Variants in SHQ1 observed in about 807,000 individuals in gnomAD.
SHQ1 encodes the protein SHQ1, H/ACA ribonucleoprotein assembly factor.
Under a neutral mutation model 53.8 loss-of-function variants are expected in SHQ1, and 49 were observed. The observed-to-expected ratio is 0.91, with a 90% CI of 0.72 to 1.16. The LOEUF (loss-of-function observed/expected upper bound fraction) is 1.16, where lower values mean the gene tolerates loss of function less well. Ranked by LOEUF, SHQ1 falls within the 50% of genes most tolerant of loss-of-function variation. The probability of loss-of-function intolerance (pLI) is 0.00; values close to 1 mark genes in which losing one functional copy is unlikely to be tolerated. For synonymous variants in SHQ1, 243 were observed against 251.0 expected (o/e 0.97, Z 0.30); for missense variants, 738 against 683.1 (o/e 1.08, Z -0.90).
At chr3:72,790,896 C>T (rs1372037608) in intron 10 of SHQ1, among the ~76,000 whole-genome samples, 6 of 152,096 alleles carry the variant, frequency 3.9e-5, no homozygotes, top group African/African-American at 1.4e-4. Flanking sequence ...TACCTCACTC[C>T]CCAATACATT....
At chr3:72,827,195 G>A (rs1707685942) in intron 5 of SHQ1, among the ~76,000 whole-genome samples, 1 of 152,098 alleles carries the variant, frequency 6.6e-6, no homozygotes, top group Non-Finnish European at 1.5e-5. Context: ...TAACAGACAT[G>A]AGTGAGAAAT....
chr3:72,802,153 G>A (rs757851027), intron 9 of SHQ1, among the ~76,000 whole-genome samples: 1 of 152,176 alleles, frequency 6.6e-6, no homozygotes, highest in Non-Finnish European at 1.5e-5. Context: ...GGAGGACAAC[G>A]GGTAGTATGG....
At chr3:72,747,591 C>G (rs1705278042), downstream of SHQ1, among the ~76,000 whole-genome samples, 1 of 152,174 alleles carries the variant, frequency 6.6e-6, no homozygotes, top group African/African-American at 2.4e-5. Flanking sequence ...GTGACCAAGG[C>G]AGCTAACATT....
intron 10 of SHQ1, among the ~76,000 whole-genome samples, chr3:72,752,270 T>A (rs531639541): frequency 7.3e-4 from 111 of 152,300 alleles, no homozygotes; most frequent in Non-Finnish European, 1.3e-3. Flanking sequence ...AAACAGATAT[T>A]TCTATTTGCT....
downstream of SHQ1, among the ~76,000 whole-genome samples, chr3:72,745,147 GTTTTT>G: frequency 6.8e-6 from 1 of 147,438 alleles, no homozygotes; most frequent in East Asian, 2.0e-4. Context: ...CAGGAGTCTG[GTTTTT>G]TTTTTTAAAT....
At chr3:72,773,335 G>T in intron 10 of SHQ1, 1 of 588,014 alleles carries the variant, frequency 1.7e-6, no homozygotes, top group Non-Finnish European at 3.3e-6. Context: ...GGAAAAAAAT[G>T]AGTATACTCC....
the SHQ1 span, among the ~76,000 whole-genome samples, chr3:72,742,739 C>T: frequency 2.6e-5 from 4 of 151,508 alleles, no homozygotes; most frequent in African/African-American, 9.7e-5. Context: ...ATTCTCCTGC[C>T]TCAGCCTCCC....
At chr3:72,836,263 G>A (rs1342183675) in intron 4 of SHQ1, among the ~76,000 whole-genome samples, 2 of 152,218 alleles carry the variant, frequency 1.3e-5, no homozygotes, top group Admixed American at 6.5e-5. Context: ...GCCAAGGCGG[G>A]CAGATCACCA....
At chr3:72,781,815 A>C (rs1414190128) in intron 10 of SHQ1, among the ~76,000 whole-genome samples, 1 of 152,200 alleles carries the variant, frequency 6.6e-6, no homozygotes, top group Non-Finnish European at 1.5e-5. Flanking sequence ...TAGCCACTAA[A>C]AATCATTTTT....
At chr3:72,773,322 G>T in intron 10 of SHQ1, 1 of 595,778 alleles carries the variant, frequency 1.7e-6, no homozygotes, top group South Asian at 1.5e-5. Flanking sequence ...CCAAAGACAA[G>T]AAGGAAAAAA....
At chr3:72,777,769 A>G (rs902295647) in intron 10 of SHQ1, among the ~76,000 whole-genome samples, 4 of 152,218 alleles carry the variant, frequency 2.6e-5, no homozygotes, top group Non-Finnish European at 5.9e-5. Context: ...CTGCAGCAGC[A>G]TTTTCTGAAT....
chr3:72,843,283 T>C (rs907201711), intron 2 of SHQ1, among the ~76,000 whole-genome samples: 1 of 152,094 alleles, frequency 6.6e-6, no homozygotes. Flanking sequence ...CCTAATCCAA[T>C]GGAGAATGGC....
chr3:72,822,089 AG>A (rs1707495056), intron 6 of SHQ1, among the ~76,000 whole-genome samples: 1 of 152,230 alleles, frequency 6.6e-6, no homozygotes, highest in South Asian at 2.1e-4. Flanking sequence ...ACTCTGAGGT[AG>A]GTACAGCATT....
At chr3:72,741,721 G>C in the SHQ1 span, among the ~76,000 whole-genome samples, 2 of 152,086 alleles carry the variant, frequency 1.3e-5, no homozygotes, top group Non-Finnish European at 2.9e-5. Context: ...TGTCTCTTCT[G>C]TAATTCAAGG....
intron 10 of SHQ1, among the ~76,000 whole-genome samples, chr3:72,772,272 T>A (rs1316798595): frequency 1.3e-5 from 2 of 151,104 alleles, no homozygotes; most frequent in Non-Finnish European, 2.9e-5. Flanking sequence ...AATAGTGAGT[T>A]CATCTACTTG....
At chr3:72,840,474 T>G (rs930160362) in intron 4 of SHQ1, among the ~76,000 whole-genome samples, 5 of 151,030 alleles carry the variant, frequency 3.3e-5, no homozygotes, top group Admixed American at 2.7e-4. Context: ...AAGAATTGCT[T>G]GAACCCTAGA....
chr3:72,797,704 C>G (rs1706669704), intron 9 of SHQ1, among the ~76,000 whole-genome samples: 1 of 152,164 alleles, frequency 6.6e-6, no homozygotes. Flanking sequence ...TGTGATGTGA[C>G]AAATATGGTA....
chr3:72,792,024 T>G (rs999576733), intron 10 of SHQ1, among the ~76,000 whole-genome samples: 3 of 152,234 alleles, frequency 2.0e-5, no homozygotes, highest in African/African-American at 7.2e-5. Context: ...TTTTAAAAAT[T>G]TTTATATACC....
In SHQ1 at chr3:72,749,948, T is replaced by C. The variant is rs1163330026; in HGVS notation, c.*336A>G. On this transcript the variant is annotated 3_prime_UTR_variant, in exon 11 of 11. Coordinates refer to ENST00000325599, the MANE Select transcript of SHQ1 (RefSeq NM_018130.3). ...CCCCTGATAAAAAATGGTGCAGTATTTGCATATAACCTACCCACATCCTCC... is the reference window on the plus strand; with the variant it reads ...CCCCTGATAAAAAATGGTGCAGTATCTGCATATAACCTACCCACATCCTCC... The C allele has an allele frequency of 1.2e-5, 3 of 259,582 alleles. No homozygotes were observed. Among genetic ancestry groups the C allele is most frequent in the Non-Finnish European group, 2.2e-5 (3 of 136,500 alleles). The allele number at this position is 259,582 out of a possible 1,614,324, so 16.1% of individuals were successfully genotyped here. A position where few individuals can be genotyped will look rare whatever the true frequency, so the allele number is the denominator to read the frequency against.
Sources: gnomAD v4.1 joint callset for allele counts (sites outside exome capture counted in the v4.1 genomes callset) on GRCh38, gnomAD v4.1.1 for gene constraint, MANE v1.5 for transcripts, NCBI Gene and HGNC (gene_info 2026-07-23, HGNC 2026-07-21) for gene names.